The following LARGE1 variants were observed in gnomAD, a reference collection of about 807,000 sequenced individuals.
The protein encoded by LARGE1 is LARGE xylosyl- and glucuronyltransferase 1.
A neutral mutation model predicts 87.6 loss-of-function variants in LARGE1; 43 were observed. That is an observed-to-expected ratio of 0.49 (90% CI 0.38 to 0.63). LARGE1 has a LOEUF of 0.63. LARGE1 is among the 30% of genes least tolerant of loss of function. LARGE1 has a pLI of 0.00. For synonymous variants in LARGE1, 434 were observed against 394.6 expected (o/e 1.10, Z -1.18); for missense variants, 802 against 1,000.2 (o/e 0.80, Z 2.67).
At chr22:33,095,011 G>T in the LARGE1 span, among the ~76,000 whole-genome samples, 39,915 of 152,030 alleles carry the variant, frequency 0.26, 5,858 homozygotes, top group Non-Finnish European at 0.34. Context: ...GAGCCACCGC[G>T]CCTGGCCTCT....
chr22:33,117,733 A>T, the LARGE1 span, among the ~76,000 whole-genome samples: 1 of 152,144 alleles, frequency 6.6e-6, no homozygotes, highest in South Asian at 2.1e-4. Flanking sequence ...TACCAAAATC[A>T]CCTTATTTAT....
chr22:33,107,814 G>A, the LARGE1 span, among the ~76,000 whole-genome samples: 2 of 152,262 alleles, frequency 1.3e-5, no homozygotes, highest in African/African-American at 4.8e-5. Flanking sequence ...GCTGCAGTGA[G>A]TTATGATTGT....
intron 11 of LARGE1, among the ~76,000 whole-genome samples, chr22:33,250,189 C>A (rs1055068727): frequency 7.2e-5 from 11 of 152,102 alleles, no homozygotes; most frequent in Admixed American, 6.6e-4. Flanking sequence ...TTATTTAGTT[C>A]TTTGATGTCA....
At chr22:33,559,935 A>C (rs1211488017) in intron 6 of LARGE1, among the ~76,000 whole-genome samples, 1 of 152,012 alleles carries the variant, frequency 6.6e-6, no homozygotes, top group African/African-American at 2.4e-5. Flanking sequence ...CGCCCTCTAC[A>C]ACCTGGTGTA....
chr22:33,572,369 G>C, intron 5 of LARGE1: 1 of 310,658 alleles, frequency 3.2e-6, no homozygotes, highest in Non-Finnish European at 6.1e-6. Flanking sequence ...CAGATGCCTT[G>C]GAAGAAGATC....
chr22:33,516,670 A>C lies in LARGE1; in HGVS notation c.787+48178T>G, dbSNP rs79336611. 3.4e-4 allele frequency among the ~76,000 whole-genome samples: 37 copies of C among 108,058 alleles called. 2 individuals carry two copies. In the South Asian group the frequency reaches 3.7e-3, roughly 11 times the overall value. 70.9% of individuals were successfully genotyped at this position (108,058 alleles called of 152,430 possible). ...GTGGTGCCATCTCCGCTCACTGCAAACTTCCGCCTTCCGGGTTCAAGCGAT... is the reference window on the plus strand; with the variant it reads ...GTGGTGCCATCTCCGCTCACTGCAACCTTCCGCCTTCCGGGTTCAAGCGAT... On this transcript the variant is annotated intron_variant, in intron 6 of 14. Coordinates refer to ENST00000397394, the MANE Select transcript of LARGE1 (RefSeq NM_133642.5).
In LARGE1 at chr22:33,346,213, CCTT is replaced by C. The variant is rs1343692870; in HGVS notation, c.1132-8415_1132-8413del. ...CTTATTTTCTCTCTACAATACCCTA[CCTT>C]CTTTTCTCTTCCTTTCTTCCTTCCT... On this transcript the variant is annotated intron_variant, in intron 9 of 14. Coordinates refer to ENST00000397394, the MANE Select transcript of LARGE1 (RefSeq NM_133642.5). 2.0e-5 allele frequency among the ~76,000 whole-genome samples: 3 copies of C among 152,050 alleles called. No homozygotes were observed. In the East Asian group the frequency reaches 5.8e-4, roughly 29 times the overall value.
intron 1 of LARGE1, among the ~76,000 whole-genome samples, chr22:33,801,338 A>G (rs554267045): frequency 6.6e-6 from 1 of 152,310 alleles, no homozygotes; most frequent in Non-Finnish European, 1.5e-5. Context: ...CATTCCCACC[A>G]AAGACACAGT....
intron 2 of LARGE1, among the ~76,000 whole-genome samples, chr22:33,653,799 A>G (rs182114665): frequency 3.3e-5 from 5 of 152,204 alleles, no homozygotes; most frequent in Admixed American, 3.3e-4. Flanking sequence ...TGTGTGTTGT[A>G]TGGGGGAACA....
intron 4 of LARGE1, 30 bp downstream of exon 4, chr22:33,626,214 C>A: frequency 6.3e-7 from 1 of 1,592,766 alleles, no homozygotes; most frequent in Non-Finnish European, 8.6e-7. Context: ...TGACAGACCT[C>A]AGCCCACACA....
At chr22:33,548,572 C>G (rs543586428) in intron 6 of LARGE1, among the ~76,000 whole-genome samples, 4 of 152,306 alleles carry the variant, frequency 2.6e-5, no homozygotes, top group African/African-American at 9.6e-5. Flanking sequence ...TGTGCCACCA[C>G]ACCTGGCTAA....
At chr22:33,322,361 A>G (rs1601440080) in intron 10 of LARGE1, 1 of 152,212 alleles carries the variant, frequency 6.6e-6, no homozygotes, top group African/African-American at 2.4e-5. Context: ...TGGCTTCTTT[A>G]TACTTTTCTG....
chr22:33,116,697 T>C, the LARGE1 span, among the ~76,000 whole-genome samples: 1 of 152,132 alleles, frequency 6.6e-6, no homozygotes, highest in Non-Finnish European at 1.5e-5. Flanking sequence ...TCTGGGCCAA[T>C]CACTGGCCAG....
intron 6 of LARGE1, among the ~76,000 whole-genome samples, chr22:33,515,966 G>A (rs1033576252): frequency 6.6e-6 from 1 of 152,168 alleles, no homozygotes; most frequent in Non-Finnish European, 1.5e-5. Flanking sequence ...CACAGAGTCC[G>A]GGAGTGAGCA....
chr22:33,110,702 C>G, the LARGE1 span: 1 of 151,790 alleles, frequency 6.6e-6, no homozygotes, highest in South Asian at 2.1e-4. Context: ...CAAGTCCAAA[C>G]TGGGGCTACT....
At chr22:33,836,333 A>G (rs2063108566) in intron 1 of LARGE1, among the ~76,000 whole-genome samples, 1 of 152,178 alleles carries the variant, frequency 6.6e-6, no homozygotes, top group Admixed American at 6.5e-5. Flanking sequence ...AGGAGGATTA[A>G]ATACAGTAAC....
chr22:33,501,861 C>T (rs1203961389), intron 6 of LARGE1, among the ~76,000 whole-genome samples: 1 of 152,154 alleles, frequency 6.6e-6, no homozygotes, highest in Non-Finnish European at 1.5e-5. Flanking sequence ...CAACCATGTG[C>T]TATGAAGGGG....
intron 6 of LARGE1, among the ~76,000 whole-genome samples, chr22:33,486,369 A>G (rs1244054305): frequency 1.3e-5 from 2 of 152,254 alleles, no homozygotes; most frequent in Non-Finnish European, 2.9e-5. Context: ...CCACTGGTGC[A>G]GGACTTGACA....
chr22:33,335,452 C>T (rs1938329633), intron 10 of LARGE1, among the ~76,000 whole-genome samples: 1 of 152,184 alleles, frequency 6.6e-6, no homozygotes, highest in African/African-American at 2.4e-5. Context: ...CCAGGGTCAT[C>T]CTGATAAAAG....
Sources: allele counts gnomAD v4.1 joint callset (sites outside exome capture counted in the v4.1 genomes callset), GRCh38; gene constraint gnomAD v4.1.1; transcripts MANE v1.5; gene names NCBI Gene and HGNC (gene_info 2026-07-23, HGNC 2026-07-21).